Variants in PSD3 observed in about 807,000 individuals in gnomAD.
The protein encoded by PSD3 is PH and SEC7 domain-containing protein 3.
Under a neutral mutation model 105.5 loss-of-function variants are expected in PSD3, and 49 were observed. The observed-to-expected ratio is 0.46, with a 90% CI of 0.37 to 0.59. PSD3 has a LOEUF of 0.59. PSD3 is among the 20% of genes least tolerant of loss of function. PSD3 has a pLI of 0.00. For missense variants in PSD3, 1,561 were observed against 1,263.8 expected, an observed-to-expected ratio of 1.24 and a Z score of -3.57; for synonymous variants, 557 against 457.8, an observed-to-expected ratio of 1.22 and a Z score of -2.77.
At chr8:19,079,499 A>G (rs1449139006) in intron 1 of PSD3, among the ~76,000 whole-genome samples, 1 of 152,214 alleles carries the variant, frequency 6.6e-6, no homozygotes, top group Non-Finnish European at 1.5e-5. Context: ...CTAGAATACT[A>G]TTTTATGAGA....
chr8:18,703,302 T>C (rs1444437465), intron 9 of PSD3, among the ~76,000 whole-genome samples: 1 of 152,170 alleles, frequency 6.6e-6, no homozygotes, highest in Non-Finnish European at 1.5e-5. Context: ...CAAATGAGCC[T>C]GCCACTGATG....
chr8:18,940,756 C>T (rs770527914), intron 1 of PSD3, among the ~76,000 whole-genome samples: 20 of 152,162 alleles, frequency 1.3e-4, no homozygotes, highest in African/African-American at 2.4e-4. Flanking sequence ...CTATTCCCTC[C>T]GAAGCATGTG....
chr8:18,548,712 T>G (rs538746670), intron 15 of PSD3, among the ~76,000 whole-genome samples: 1 of 152,180 alleles, frequency 6.6e-6, no homozygotes, highest in African/African-American at 2.4e-5. Context: ...GACAGGTAGT[T>G]TGCACTTGCT....
At chr8:19,062,276 G>C (rs1255976845) in intron 1 of PSD3, among the ~76,000 whole-genome samples, 1 of 152,202 alleles carries the variant, frequency 6.6e-6, no homozygotes, top group African/African-American at 2.4e-5. Flanking sequence ...AATCCTGGCA[G>C]TCAAACATTG....
At chr8:18,912,089 A>G (rs1820259668) in intron 2 of PSD3, among the ~76,000 whole-genome samples, 1 of 152,202 alleles carries the variant, frequency 6.6e-6, no homozygotes, top group Admixed American at 6.5e-5. Flanking sequence ...CAGGTTTCAT[A>G]TATTCTTGTT....
chr8:19,027,372 G>GT (rs1443183839), intron 1 of PSD3, among the ~76,000 whole-genome samples: 1 of 152,252 alleles, frequency 6.6e-6, no homozygotes, highest in Non-Finnish European at 1.5e-5. Flanking sequence ...CAGCTGTTTG[G>GT]TTTTTTGATT....
intron 9 of PSD3, among the ~76,000 whole-genome samples, chr8:18,656,573 G>T (rs1387435018): frequency 6.6e-6 from 1 of 152,052 alleles, no homozygotes; most frequent in Non-Finnish European, 1.5e-5. Flanking sequence ...GTGTGGTTGT[G>T]GCAGATTGGA....
intron 4 of PSD3, among the ~76,000 whole-genome samples, chr8:18,821,717 A>ACC (rs1171283633): frequency 0.015 from 2,109 of 141,198 alleles, 34 homozygotes; most frequent in Admixed American, 0.049. Context: ...ACACACACAC[A>ACC]CCCCAATAAC....
At chr8:18,593,079 TA>T (rs1803734459) in intron 12 of PSD3, among the ~76,000 whole-genome samples, 1 of 152,182 alleles carries the variant, frequency 6.6e-6, no homozygotes, top group Non-Finnish European at 1.5e-5. Flanking sequence ...ACTTCATGTC[TA>T]AAACACCAAA....
chr8:18,572,676 T>C lies in PSD3; in HGVS notation c.2640-4A>G, dbSNP rs752359850. ...CCCTTGCATTTCCTCTGGGCTCCTATGAGAAATAGATATGTTTATATCAGG... is the reference window on the plus strand; with the variant it reads ...CCCTTGCATTTCCTCTGGGCTCCTACGAGAAATAGATATGTTTATATCAGG... On this transcript the variant is annotated splice_polypyrimidine_tract_variant and splice_region_variant and intron_variant, in intron 13 of 15. Coordinates refer to ENST00000327040, the MANE Select transcript of PSD3 (RefSeq NM_015310.4). The C allele has an allele frequency of 5.0e-6, 8 of 1,613,528 alleles. No homozygotes were observed. The highest frequency in any genetic ancestry group is 5.1e-6 in the Non-Finnish European group (6 of 1,179,662).
chr8:19,024,542 AT>A (rs1199121441), intron 1 of PSD3, among the ~76,000 whole-genome samples: 2 of 152,142 alleles, frequency 1.3e-5, no homozygotes, highest in Non-Finnish European at 2.9e-5. Flanking sequence ...TGAGTCCTTC[AT>A]TTTTTATTCA....
intron 2 of PSD3, among the ~76,000 whole-genome samples, chr8:18,895,216 G>A (rs1230737658): frequency 6.6e-6 from 1 of 152,218 alleles, no homozygotes; most frequent in African/African-American, 2.4e-5. Flanking sequence ...GCAGAATACA[G>A]CAAAGAGTCA....
chr8:18,935,521 A>G (rs1457288739), intron 2 of PSD3, among the ~76,000 whole-genome samples: 1 of 151,546 alleles, frequency 6.6e-6, no homozygotes, highest in Non-Finnish European at 1.5e-5. Context: ...TAAAAAAAAA[A>G]AAAAAAGAAA....
At position 18,692,592 on chromosome 8, in the gene PSD3, T is replaced by C. The variant is rs188390470; in HGVS notation, c.2173-36907A>G. Among the ~76,000 whole-genome samples, 57 of 152,128 alleles carry C rather than the reference T, an allele frequency of 3.7e-4. No individual in the cohort carries two copies. In the East Asian group the frequency reaches 5.4e-3, roughly 14 times the overall value. ...AGCTGAGAAATATATTTAAGAAGGA[T>C]GATGAGAGGCTTTTTTAAAGATGAT... On this transcript the variant is annotated intron_variant, in intron 9 of 15. Coordinates refer to ENST00000327040, the MANE Select transcript of PSD3 (RefSeq NM_015310.4).
intron 12 of PSD3, among the ~76,000 whole-genome samples, chr8:18,596,673 G>T (rs1419571552): frequency 6.6e-6 from 1 of 151,950 alleles, no homozygotes; most frequent in South Asian, 2.1e-4. Flanking sequence ...AAACTAAAAG[G>T]ATTCTAAGAA....
At chr8:19,029,143 G>T (rs186301579) in intron 1 of PSD3, among the ~76,000 whole-genome samples, 2 of 152,080 alleles carry the variant, frequency 1.3e-5, no homozygotes, top group East Asian at 1.9e-4. Flanking sequence ...ACTCCTCTAG[G>T]TTCTTTGTAT....
chr8:18,774,867 G>T (rs1807887717), intron 8 of PSD3: 1 of 456,084 alleles, frequency 2.2e-6, no homozygotes, highest in East Asian at 6.9e-5. Context: ...AGCTGTCTTA[G>T]CAGCTCCTCT....
chr8:19,040,288 A>G (rs528804773), intron 1 of PSD3, among the ~76,000 whole-genome samples: 95 of 152,088 alleles, frequency 6.2e-4, no homozygotes, highest in African/African-American at 2.2e-3. Flanking sequence ...CTGCAGCCTT[A>G]ACCTCTTGGG....
chr8:18,806,191 A>G (rs1379294240), intron 4 of PSD3, among the ~76,000 whole-genome samples: 1 of 152,218 alleles, frequency 6.6e-6, no homozygotes, highest in East Asian at 1.9e-4. Context: ...AGTGGAGAAT[A>G]CGATGACTAG....
Sources: allele counts gnomAD v4.1 joint callset (sites outside exome capture counted in the v4.1 genomes callset), GRCh38; gene constraint gnomAD v4.1.1; transcripts MANE v1.5; gene names NCBI Gene and HGNC (gene_info 2026-07-23, HGNC 2026-07-21).